Variants in SLC14A2 observed in about 807,000 individuals in gnomAD.
The protein encoded by SLC14A2 is urea transporter 2.
SLC14A2 carries 91 observed loss-of-function variants against 104.6 expected under a neutral mutation model. The ratio of observed to expected loss-of-function variants is 0.87; its 90% CI spans 0.73 to 1.04. The LOEUF (loss-of-function observed/expected upper bound fraction) is 1.04, where lower values mean the gene tolerates loss of function less well. SLC14A2 is among the 50% of genes least tolerant of loss of function. The probability of loss-of-function intolerance (pLI) is 0.00; values close to 1 mark genes in which losing one functional copy is unlikely to be tolerated. For missense variants in SLC14A2, 1,189 were observed against 1,156.0 expected, an observed-to-expected ratio of 1.03 and a Z score of -0.41; for synonymous variants, 476 against 466.4, an observed-to-expected ratio of 1.02 and a Z score of -0.27.
chr18:45,621,206 G>C (rs1452602086), intron 1 of SLC14A2, among the ~76,000 whole-genome samples: 1 of 152,206 alleles, frequency 6.6e-6, no homozygotes, highest in Non-Finnish European at 1.5e-5. Flanking sequence ...GGGCTTGTCG[G>C]ATTTCACTGT....
chr18:45,226,722 G>T (rs928356752), intron 1 of SLC14A2, among the ~76,000 whole-genome samples: 2 of 151,626 alleles, frequency 1.3e-5, no homozygotes, highest in African/African-American at 4.9e-5. Flanking sequence ...TGTAAATGAC[G>T]AGTTAATGGG....
At chr18:45,579,957 G>A (rs1234006188) in intron 2 of SLC14A2, among the ~76,000 whole-genome samples, 3 of 152,220 alleles carry the variant, frequency 2.0e-5, no homozygotes, top group South Asian at 2.1e-4. Context: ...AAAGCATGGA[G>A]TTGTGAAAAG....
At chr18:45,413,291 T>C (rs1444240382) in intron 1 of SLC14A2, among the ~76,000 whole-genome samples, 1 of 152,128 alleles carries the variant, frequency 6.6e-6, no homozygotes, top group African/African-American at 2.4e-5. Context: ...AACAAGAAAC[T>C]CAATTGTTTC....
intron 1 of SLC14A2, among the ~76,000 whole-genome samples, chr18:45,442,283 C>A (rs1225190451): frequency 6.6e-6 from 1 of 152,190 alleles, no homozygotes; most frequent in East Asian, 1.9e-4. Context: ...GTGCCGCAAA[C>A]TGGATGGCTT....
intron 1 of SLC14A2, among the ~76,000 whole-genome samples, chr18:45,623,746 C>T (rs574821251): frequency 3.3e-5 from 5 of 152,232 alleles, no homozygotes; most frequent in South Asian, 2.1e-4. Flanking sequence ...CTAAGAGAGA[C>T]GGTCCTACAC....
At chr18:45,312,545 G>A (rs1599666297) in intron 1 of SLC14A2, among the ~76,000 whole-genome samples, 2 of 152,216 alleles carry the variant, frequency 1.3e-5, no homozygotes, top group South Asian at 2.1e-4. Flanking sequence ...GGAAGTGTGG[G>A]GTAATGAAGC....
chr18:45,534,560 A>G (rs1250695818), intron 2 of SLC14A2, among the ~76,000 whole-genome samples: 1 of 152,080 alleles, frequency 6.6e-6, no homozygotes, highest in African/African-American at 2.4e-5. Context: ...TAATAATAAT[A>G]ATAACAATGT....
chr18:45,375,720 T>A (rs562088290), intron 1 of SLC14A2, among the ~76,000 whole-genome samples: 85 of 152,334 alleles, frequency 5.6e-4, no homozygotes, highest in Admixed American at 2.5e-3. Flanking sequence ...TTACAGTACT[T>A]CTACTACTGA....
chr18:45,185,535 G>A, the SLC14A2 span, among the ~76,000 whole-genome samples: 2 of 152,114 alleles, frequency 1.3e-5, no homozygotes, highest in Admixed American at 6.6e-5. Context: ...TACAACAAAT[G>A]TCATACTTAA....
chr18:45,662,750 G>C (rs749027259), intron 10 of SLC14A2, among the ~76,000 whole-genome samples: 1 of 152,102 alleles, frequency 6.6e-6, no homozygotes, highest in African/African-American at 2.4e-5. Context: ...AGATGTAATA[G>C]TGTGAATGTT....
chr18:45,408,399 C>A (rs1488054848), intron 1 of SLC14A2, among the ~76,000 whole-genome samples: 1 of 152,162 alleles, frequency 6.6e-6, no homozygotes, highest in East Asian at 1.9e-4. Flanking sequence ...TAATTCAATT[C>A]TTCTCCAACA....
chr18:45,397,961 A>T (rs575371106), intron 1 of SLC14A2, among the ~76,000 whole-genome samples: 1 of 152,052 alleles, frequency 6.6e-6, no homozygotes, highest in Non-Finnish European at 1.5e-5. Context: ...AAATAACGAA[A>T]CTGCCAGTTT....
intron 2 of SLC14A2, among the ~76,000 whole-genome samples, chr18:45,547,156 A>G (rs2043984027): frequency 1.3e-5 from 2 of 152,210 alleles, no homozygotes; most frequent in African/African-American, 4.8e-5. Context: ...TATGAAACCA[A>G]GAATTTTGCT....
chr18:45,611,024 C>T (rs11661357), upstream of SLC14A2, among the ~76,000 whole-genome samples: 23,704 of 152,204 alleles, frequency 0.16, 1,976 homozygotes, highest in South Asian at 0.2. Context: ...CACAGAGGAT[C>T]GGCACACCCA....
chr18:45,171,191 T>G, the SLC14A2 span, among the ~76,000 whole-genome samples: 1 of 152,134 alleles, frequency 6.6e-6, no homozygotes, highest in Non-Finnish European at 1.5e-5. Flanking sequence ...GAAACATACT[T>G]GCACAAAAAC....
chr18:45,218,661 C>T (rs183808505), intron 1 of SLC14A2, among the ~76,000 whole-genome samples: 2 of 152,246 alleles, frequency 1.3e-5, no homozygotes, highest in East Asian at 3.9e-4. Flanking sequence ...GAAAAACAAA[C>T]TTTTTAAATT....
chr18:45,370,776 G>GGA (rs1311483099), intron 1 of SLC14A2, among the ~76,000 whole-genome samples: 1 of 152,094 alleles, frequency 6.6e-6, no homozygotes, highest in Non-Finnish European at 1.5e-5. Context: ...CCAGGGAGTG[G>GGA]GAGAGAGAGA....
At chr18:45,675,343 C>T (rs935496086) in intron 18 of SLC14A2, among the ~76,000 whole-genome samples, 21 of 152,030 alleles carry the variant, frequency 1.4e-4, no homozygotes, top group Non-Finnish European at 2.1e-4. Context: ...ATTTTGTAGC[C>T]GTGGTGCCTG....
At chr18:45,265,372 A>G (rs1306354784) in intron 1 of SLC14A2, among the ~76,000 whole-genome samples, 1 of 152,210 alleles carries the variant, frequency 6.6e-6, no homozygotes, top group Non-Finnish European at 1.5e-5. Context: ...TAAATGGGCC[A>G]TCTTGTAGAG....
Sources: allele counts gnomAD v4.1 joint callset (sites outside exome capture counted in the v4.1 genomes callset), GRCh38; gene constraint gnomAD v4.1.1; transcripts MANE v1.5; gene names NCBI Gene and HGNC (gene_info 2026-07-23, HGNC 2026-07-21).